RSPO3: variants seen among roughly 807,000 people sequenced by gnomAD.
The protein encoded by RSPO3 is R-spondin-3.
Under a neutral mutation model 36.5 loss-of-function variants are expected in RSPO3, and 17 were observed. The ratio of observed to expected loss-of-function variants is 0.47; its 90% CI spans 0.32 to 0.70. The LOEUF (loss-of-function observed/expected upper bound fraction) is 0.70. Ranked by LOEUF, RSPO3 falls within the 30% of genes least tolerant of loss-of-function variation. The pLI, the probability that RSPO3 is intolerant of heterozygous loss-of-function variation, is 0.04. For missense variants in RSPO3, 294 were observed against 322.5 expected, an observed-to-expected ratio of 0.91 and a Z score of 0.68; for synonymous variants, 108 against 107.0, an observed-to-expected ratio of 1.01 and a Z score of -0.06.
intron 4 of RSPO3, among the ~76,000 whole-genome samples, chr6:127,165,719 T>C (rs1042321250): frequency 1.3e-5 from 2 of 152,042 alleles, no homozygotes; most frequent in Non-Finnish European, 2.9e-5. Flanking sequence ...CTCATGTTCA[T>C]CATCTTCAAA....
chr6:127,129,807 C>T (rs756723965), intron 1 of RSPO3, among the ~76,000 whole-genome samples: 2 of 152,038 alleles, frequency 1.3e-5, no homozygotes, highest in Non-Finnish European at 2.9e-5. Flanking sequence ...ACAAGTTCTC[C>T]TCCTCCCTTC....
intron 4 of RSPO3, among the ~76,000 whole-genome samples, chr6:127,180,487 C>CAAAAAAAAAAAAAAAAAAAA (rs71543112): frequency 9.4e-5 from 4 of 42,614 alleles, no homozygotes; most frequent in Non-Finnish European, 1.7e-4. Context: ...TGGAAGAAAA[C>CAAAAAAAAAAAAAAAAAAAA]AAAAAAAAAA....
intron 1 of RSPO3, among the ~76,000 whole-genome samples, chr6:127,136,869 A>G (rs1219675040): frequency 6.6e-6 from 1 of 152,200 alleles, no homozygotes; most frequent in Non-Finnish European, 1.5e-5. Flanking sequence ...TATAGATGAG[A>G]GTCTTACTAG....
chr6:127,163,115 G>A (rs1257510762), intron 4 of RSPO3, among the ~76,000 whole-genome samples: 1 of 152,044 alleles, frequency 6.6e-6, no homozygotes, highest in Non-Finnish European at 1.5e-5. Context: ...GAGACTCCGA[G>A]AGCATCAGCA....
intron 4 of RSPO3, among the ~76,000 whole-genome samples, chr6:127,171,620 G>C (rs1472277283): frequency 6.6e-6 from 1 of 151,628 alleles, no homozygotes; most frequent in East Asian, 1.9e-4. Context: ...TTTAACACAC[G>C]ACACTGTATC....
chr6:127,150,310 C>T (rs1003174607), intron 2 of RSPO3, 116 bp from the exon 3 acceptor site: 26 of 932,022 alleles, frequency 2.8e-5, no homozygotes, highest in Admixed American at 5.6e-5. Context: ...TAATTTTGGA[C>T]TTCAGGTGTT....
intron 1 of RSPO3, among the ~76,000 whole-genome samples, chr6:127,131,391 T>TA (rs1331826617): frequency 1.3e-5 from 2 of 152,120 alleles, no homozygotes; most frequent in Non-Finnish European, 2.9e-5. Context: ...CTGAACTGAG[T>TA]ATGTGCTCTA....
intron 1 of RSPO3, among the ~76,000 whole-genome samples, chr6:127,120,535 TTCGGGGCAGACG>T (rs1228897354): frequency 5.3e-5 from 8 of 152,188 alleles, no homozygotes; most frequent in Non-Finnish European, 7.4e-5. Flanking sequence ...CGGGAAGCCT[TTCGGGGCAGACG>T]TCGGGGCAGC....
intron 4 of RSPO3, among the ~76,000 whole-genome samples, chr6:127,193,336 T>C (rs558411678): frequency 6.6e-6 from 1 of 152,180 alleles, no homozygotes; most frequent in African/African-American, 2.4e-5. Flanking sequence ...AAAAAACATA[T>C]AAATCAATCT....
In RSPO3 at chr6:127,150,448, C is replaced by T. The variant is rs764640878; in HGVS notation, c.312C>T (p.Thr104=). 4 of 1,611,652 alleles carry T rather than the reference C, an allele frequency of 2.5e-6. No homozygotes were observed. Among genetic ancestry groups the T allele is most frequent in the Non-Finnish European group, 3.4e-6 (4 of 1,178,892 alleles). Residue 104 remains threonine, a synonymous_variant, in exon 3 of 5, where the codon ACC becomes ACT. Coordinates refer to ENST00000356698, the MANE Select transcript of RSPO3 (RefSeq NM_032784.5). ...KCTKCKADCD[T]CFNKNFCTKC... Reference sequence around the variant, plus strand: ...CAGAATGCAAAGCTGACTGTGATACCTGTTTCAACAAAAATTTCTGCACAA... The same window carrying T: ...CAGAATGCAAAGCTGACTGTGATACTTGTTTCAACAAAAATTTCTGCACAA...
intron 1 of RSPO3, among the ~76,000 whole-genome samples, chr6:127,137,444 G>C (rs1340791374): frequency 6.6e-6 from 1 of 152,094 alleles, no homozygotes; most frequent in African/African-American, 2.4e-5. Flanking sequence ...CTTTCCCCAA[G>C]TATCATGATA....
intron 4 of RSPO3, chr6:127,192,714 C>T (rs562152708): frequency 5.1e-6 from 5 of 983,270 alleles, no homozygotes; most frequent in East Asian, 1.1e-4. Context: ...CAGGCAGGTA[C>T]GTGCGTGTAC....
Position 127,189,917 on chromosome 6 carries a change from A to G in RSPO3, c.635-5906A>G, listed in dbSNP as rs530375624. On this transcript the variant is annotated intron_variant, in intron 4 of 4. Coordinates refer to ENST00000356698, the MANE Select transcript of RSPO3 (RefSeq NM_032784.5). The stretch of plus-strand genomic sequence containing the variant: ...AAGACATTCATTCTTTGATATTTTT[A>G]CTATATTTGTTGTAAATTCCTAGGT... Among the ~76,000 whole-genome samples, 5 of 152,316 alleles carry G rather than the reference A, an allele frequency of 3.3e-5. No individual in the cohort carries two copies. The East Asian group carries it at 7.7e-4, about 24-fold the overall frequency.
rs371880519 is a variant in RSPO3 at position 127,196,007 on chromosome 6, G to C, written c.819G>C (p.Ter273TyrextTer4). ...CGGTATCAGTCAGCACTGTACACTA[G>C]AGGGTTCCATGAGATTATTGTAGAC... is the stretch of plus-strand genomic sequence containing the variant. The part of the protein sequence containing the change: ...QKSVSVSTVH[*>Y] Residue 273 changes from the stop codon to tyrosine, a stop_lost, in exon 5 of 5, where the codon TAG becomes TAC. Coordinates refer to ENST00000356698, the MANE Select transcript of RSPO3 (RefSeq NM_032784.5). The C allele has an allele frequency of 1.2e-6, 2 of 1,602,102 alleles. No individual in the cohort carries two copies. Among genetic ancestry groups the C allele is most frequent in the Non-Finnish European group, 1.7e-6 (2 of 1,173,806 alleles).
chr6:127,181,372 A>C (rs1213214808), intron 4 of RSPO3, among the ~76,000 whole-genome samples: 1 of 151,982 alleles, frequency 6.6e-6, no homozygotes. Flanking sequence ...CATAGATAAT[A>C]CAGCTGCTTA....
chr6:127,155,512 A>C (rs1220653668), intron 4 of RSPO3, 74 bp downstream of exon 4: 8 of 1,361,870 alleles, frequency 5.9e-6, no homozygotes, highest in Non-Finnish European at 8.2e-6. Context: ...ATTTCTTATG[A>C]AACACTTGGC....
intron 1 of RSPO3, among the ~76,000 whole-genome samples, chr6:127,130,377 C>T (rs1179531753): frequency 6.6e-6 from 1 of 152,094 alleles, no homozygotes; most frequent in African/African-American, 2.4e-5. Flanking sequence ...CTCTTTTGAG[C>T]TTAGACTACC....
At chr6:127,165,052 C>G (rs975773154) in intron 4 of RSPO3, among the ~76,000 whole-genome samples, 1 of 151,940 alleles carries the variant, frequency 6.6e-6, no homozygotes, top group African/African-American at 2.4e-5. Context: ...AAGCACAATG[C>G]CACTTACTAT....
rs144658239 is a variant in RSPO3, at chr6:127,197,785, G to A, written c.*1778G>A. The stretch of plus-strand genomic sequence containing the variant: ...TGATTTATTCCTGTTTCTTATTCTG[G>A]TGTTTCTTTCCTTGTCCCTATGAGA... On this transcript the variant is annotated 3_prime_UTR_variant, in exon 5 of 5. Coordinates refer to ENST00000356698, the MANE Select transcript of RSPO3 (RefSeq NM_032784.5). The A allele has an allele frequency of 1.9e-3, 677 of 349,256 alleles. 2 individuals are homozygous for A. Among genetic ancestry groups the A allele is most frequent in the Admixed American group, 4.1e-3 (94 of 22,756 alleles). 21.6% of individuals were successfully genotyped at this position (349,256 alleles called of 1,614,324 possible).
Sources: allele counts gnomAD v4.1 joint callset (sites outside exome capture counted in the v4.1 genomes callset), GRCh38; gene constraint gnomAD v4.1.1; transcripts MANE v1.5; gene names NCBI Gene and HGNC (gene_info 2026-07-23, HGNC 2026-07-21).